The following ST18 variants were observed in gnomAD, a reference collection of about 807,000 sequenced individuals.
The protein encoded by ST18 is ST18 C2H2C-type zinc finger transcription factor, also known as suppression of tumorigenicity 18 protein.
A neutral mutation model predicts 110.0 loss-of-function variants in ST18; 50 were observed. The ratio of observed to expected loss-of-function variants is 0.45; its 90% confidence interval spans 0.36 to 0.58. The LOEUF (loss-of-function observed/expected upper bound fraction) is 0.58. ST18 is among the 20% of genes least tolerant of loss of function. ST18 has a pLI of 0.00. For missense variants in ST18, 1,306 were observed against 1,280.1 expected, an observed-to-expected ratio of 1.02 and a Z score of -0.31; for synonymous variants, 461 against 452.4, an observed-to-expected ratio of 1.02 and a Z score of -0.24.
At chr8:52,366,295 C>G (rs747692545) in intron 2 of ST18, among the ~76,000 whole-genome samples, 5 of 144,656 alleles carry the variant, frequency 3.5e-5, no homozygotes, top group African/African-American at 8.5e-5. Context: ...TGTTGCCCCT[C>G]ACAAAAAACA....
chr8:52,208,772 C>G (rs959787889), intron 8 of ST18, among the ~76,000 whole-genome samples: 1 of 152,128 alleles, frequency 6.6e-6, no homozygotes. Context: ...GAGCCCAGAT[C>G]GCGCCACTGC....
At chr8:52,404,510 G>C (rs1451009421) in intron 2 of ST18, 1 of 152,250 alleles carries the variant, frequency 6.6e-6, no homozygotes, top group African/African-American at 2.4e-5. Context: ...GACGGATAAA[G>C]AAGGAAGGAG....
chr8:52,332,975 A>G (rs1251423835), intron 2 of ST18, among the ~76,000 whole-genome samples: 2 of 152,194 alleles, frequency 1.3e-5, no homozygotes, highest in African/African-American at 4.8e-5. Flanking sequence ...GCAGCTGAGC[A>G]TACTGGCTCT....
At chr8:52,226,260 T>C (rs10504136) in intron 3 of ST18, among the ~76,000 whole-genome samples, 1,619 of 152,296 alleles carry the variant, frequency 0.011, 23 homozygotes, top group African/African-American at 0.035. Context: ...ATATCTAAGA[T>C]TGCATGACTC....
chr8:52,238,030 T>A (rs974470865), intron 2 of ST18, among the ~76,000 whole-genome samples: 3 of 152,194 alleles, frequency 2.0e-5, no homozygotes. Context: ...TGTGAACCCA[T>A]TAAGATGGCT....
At chr8:52,163,236 G>A (rs1006302958) in intron 13 of ST18, among the ~76,000 whole-genome samples, 4 of 152,126 alleles carry the variant, frequency 2.6e-5, no homozygotes, top group African/African-American at 4.8e-5. Flanking sequence ...ATCTATAGAA[G>A]CAAAATATTA....
intron 2 of ST18, among the ~76,000 whole-genome samples, chr8:52,335,944 G>C (rs1301785767): frequency 6.6e-6 from 1 of 152,020 alleles, no homozygotes; most frequent in East Asian, 1.9e-4. Flanking sequence ...TGGCCTACAA[G>C]TTCAGCCTCT....
At chr8:52,222,742 A>T (rs1309801083) in intron 3 of ST18, among the ~76,000 whole-genome samples, 1 of 152,186 alleles carries the variant, frequency 6.6e-6, no homozygotes, top group Non-Finnish European at 1.5e-5. Context: ...TCAAGGAGAT[A>T]CCTTTAAAAA....
chr8:52,136,473 A>G, intron 19 of ST18, 117 bp downstream of exon 19: 1 of 1,002,432 alleles, frequency 1.0e-6, no homozygotes, highest in South Asian at 1.5e-5. Flanking sequence ...CTTTGCTGTG[A>G]TCCTGGCAGG....
At chr8:52,121,995 G>A (rs564032371) in intron 23 of ST18, among the ~76,000 whole-genome samples, 3 of 152,182 alleles carry the variant, frequency 2.0e-5, no homozygotes, top group South Asian at 2.1e-4. Flanking sequence ...ACAGGCGTAC[G>A]CCACCATGCC....
chr8:52,317,743 T>C (rs2096057522), intron 2 of ST18, among the ~76,000 whole-genome samples: 1 of 152,246 alleles, frequency 6.6e-6, no homozygotes, highest in Non-Finnish European at 1.5e-5. Flanking sequence ...AAATTTCTCC[T>C]TTTGCATTCT....
At chr8:52,242,463 T>C (rs1240923450) in intron 2 of ST18, among the ~76,000 whole-genome samples, 1 of 152,220 alleles carries the variant, frequency 6.6e-6, no homozygotes, top group Admixed American at 6.5e-5. Context: ...TTCTCCATGA[T>C]AAACAGGGAA....
intron 3 of ST18, among the ~76,000 whole-genome samples, chr8:52,227,075 A>C (rs1487955621): frequency 1.3e-5 from 2 of 152,204 alleles, no homozygotes; most frequent in South Asian, 4.1e-4. Flanking sequence ...AATATATTGA[A>C]ACTTGAAAAG....
intron 15 of ST18, among the ~76,000 whole-genome samples, chr8:52,155,365 A>C (rs1252776849): frequency 6.6e-6 from 1 of 152,210 alleles, no homozygotes; most frequent in Non-Finnish European, 1.5e-5. Context: ...TGGTGGTACA[A>C]ATATGTTATA....
intron 2 of ST18, among the ~76,000 whole-genome samples, chr8:52,273,837 A>G (rs1232230072): frequency 6.6e-6 from 1 of 152,242 alleles, no homozygotes; most frequent in African/African-American, 2.4e-5. Context: ...CATCAAGCAC[A>G]CTAATTAAGC....
intron 16 of ST18, among the ~76,000 whole-genome samples, chr8:52,146,795 C>T (rs986057801): frequency 1.4e-4 from 22 of 152,116 alleles, no homozygotes; most frequent in Admixed American, 6.5e-4. Flanking sequence ...TACCTTGGCA[C>T]GGATGAAGGA....
Position 52,126,138 on chromosome 8 carries a change from A to C in ST18, c.2669T>G (p.Leu890Ter). The stretch of plus-strand genomic sequence containing the variant: ...TTGTGCATTGAGAGGACATCCAGAT[A>C]AGCTGTGAAAATAGAAATTGTACTA... ...VNNVFVTHRS[L>*]SGCPLNAQVI... Residue 890 changes from leucine to a stop codon, truncating the protein, a stop_gained and splice_region_variant, in exon 23 of 26, where the codon TTA becomes TGA. Coordinates refer to ENST00000689386, the MANE Select transcript of ST18 (RefSeq NM_001352837.2). LOFTEE classifies it high-confidence loss of function. 1 of 1,613,716 alleles carries C rather than the reference A, an allele frequency of 6.2e-7. No individual in the cohort carries two copies. The highest frequency in any genetic ancestry group is 8.5e-7 in the Non-Finnish European group (1 of 1,179,716).
At chr8:52,195,845 A>G (rs1260965349) in intron 8 of ST18, among the ~76,000 whole-genome samples, 1 of 152,218 alleles carries the variant, frequency 6.6e-6, no homozygotes, top group Admixed American at 6.5e-5. Context: ...CTAACCAAAA[A>G]ATAAAGTAAA....
intron 2 of ST18, among the ~76,000 whole-genome samples, chr8:52,358,160 A>T (rs1824037970): frequency 6.6e-6 from 1 of 151,984 alleles, no homozygotes; most frequent in African/African-American, 2.4e-5. Context: ...AGATAAGTGA[A>T]AATGAAAACA....
Sources: gnomAD v4.1 joint callset for allele counts (sites outside exome capture counted in the v4.1 genomes callset) on GRCh38, gnomAD v4.1.1 for gene constraint, MANE v1.5 for transcripts, NCBI Gene and HGNC (gene_info 2026-07-23, HGNC 2026-07-21) for gene names.